The following COL21A1 variants were observed in gnomAD, a reference collection of about 807,000 sequenced individuals.
The protein encoded by COL21A1 is collagen type XXI alpha 1 chain, also known as collagen alpha-1(XXI) chain.
Under a neutral mutation model 137.9 loss-of-function variants are expected in COL21A1, and 149 were observed. The ratio of observed to expected loss-of-function variants is 1.08; its 90% CI spans 0.95 to 1.24. The LOEUF is 1.24. COL21A1 is among the 50% of genes most tolerant of loss of function. COL21A1 has a pLI of 0.00. For synonymous variants in COL21A1, 456 were observed against 391.5 expected (o/e 1.16, Z -1.95); for missense variants, 1,167 against 1,158.4 (o/e 1.01, Z -0.11).
chr6:56,225,948 A>G (rs1178742193), intron 1 of COL21A1: 1 of 152,040 alleles, frequency 6.6e-6, no homozygotes, highest in Non-Finnish European at 1.5e-5. Context: ...TTAATCACAG[A>G]GCATCCTGTC....
At chr6:56,147,028 C>A (rs1320159639) in intron 10 of COL21A1, among the ~76,000 whole-genome samples, 1 of 152,110 alleles carries the variant, frequency 6.6e-6, no homozygotes, top group Non-Finnish European at 1.5e-5. Context: ...CTTAAATTCA[C>A]AGAATTTAAT....
chr6:56,281,667 C>T (rs2397213), intron 1 of COL21A1, among the ~76,000 whole-genome samples: 36,625 of 152,130 alleles, frequency 0.24, 5,756 homozygotes, highest in East Asian at 0.67. Flanking sequence ...CTTTGTGCTG[C>T]TAATCTGAAG....
At chr6:56,347,336 G>A (rs1883600) in intron 1 of COL21A1, among the ~76,000 whole-genome samples, 24,739 of 151,526 alleles carry the variant, frequency 0.16, 2,158 homozygotes, top group Non-Finnish European at 0.18. Flanking sequence ...CCCCCTCACC[G>A]GGATTCAACT....
chr6:56,340,634 GT>G (rs1346969489), intron 1 of COL21A1, among the ~76,000 whole-genome samples: 5 of 152,090 alleles, frequency 3.3e-5, no homozygotes, highest in African/African-American at 1.2e-4. Flanking sequence ...GAGATTCTCT[GT>G]TGGCTGTGTT....
rs1006413279 is a variant in COL21A1 at position 56,329,361 on chromosome 6, G to C, written c.-39+64610C>G. ...AGCTTTGCCCCAGTTGCATGGCTGT[G>C]GGGGAGGAAAGAGATGGATGGAGAA... On this transcript the variant is annotated intron_variant, in intron 1 of 28. Transcript: ENST00000370819. Among the ~76,000 whole-genome samples the C allele has an allele frequency of 2.0e-5, 3 of 152,064 alleles. No individual in the cohort carries two copies. In the South Asian group the frequency reaches 6.2e-4, roughly 32 times the overall value.
At chr6:56,321,222 G>T (rs1055186423) in intron 1 of COL21A1, among the ~76,000 whole-genome samples, 14 of 152,212 alleles carry the variant, frequency 9.2e-5, no homozygotes, top group Admixed American at 2.0e-4. Context: ...TTTAGACCAT[G>T]TTTTCAAGAA....
In COL21A1 at chr6:56,124,190, A is replaced by G. The variant is rs1395256067; in HGVS notation, c.1704+49T>C. ...TCTTTAAAGACAGATACTATAAGAT[A>G]GATTTTATTTAAAGCAAAATACTAA... is the stretch of plus-strand genomic sequence containing the variant. On this transcript the variant is annotated intron_variant, in intron 15 of 29. Coordinates refer to ENST00000244728, the MANE Select transcript of COL21A1 (RefSeq NM_030820.4). 2.6e-6 allele frequency: 4 copies of G among 1,547,394 alleles called. No homozygotes were observed. The African/African-American group carries it at 4.1e-5, about 16-fold the overall frequency.
intron 1 of COL21A1, among the ~76,000 whole-genome samples, chr6:56,338,088 A>G (rs1420345239): frequency 6.7e-6 from 1 of 149,386 alleles, no homozygotes; most frequent in Non-Finnish European, 1.5e-5. Flanking sequence ...TCATCCTCCC[A>G]AGTAGCTGGG....
chr6:56,075,600 C>A, intron 18 of COL21A1, 68 bp from the exon 19 acceptor site: 1 of 1,141,284 alleles, frequency 8.8e-7, no homozygotes, highest in Non-Finnish European at 1.2e-6. Flanking sequence ...AAAGCTTCTG[C>A]CAAAGCACAA....
chr6:56,193,941 G>A (rs1476583218), intron 1 of COL21A1, among the ~76,000 whole-genome samples: 1 of 151,994 alleles, frequency 6.6e-6, no homozygotes, highest in African/African-American at 2.4e-5. Flanking sequence ...TTTTAGTAGA[G>A]ACTGGGTTTC....
intron 1 of COL21A1, among the ~76,000 whole-genome samples, chr6:56,195,573 T>C (rs1420273834): frequency 2.0e-5 from 3 of 152,110 alleles, no homozygotes; most frequent in Non-Finnish European, 2.9e-5. Flanking sequence ...TTATAAATGA[T>C]AGTTCAGAGA....
At chr6:56,251,632 T>A (rs1254815921), upstream of COL21A1, among the ~76,000 whole-genome samples, 1 of 152,216 alleles carries the variant, frequency 6.6e-6, no homozygotes, top group Non-Finnish European at 1.5e-5. Context: ...TTTGGCATAC[T>A]TTTTCTAAAA....
Position 56,170,856 on chromosome 6 carries a change from GA to G in COL21A1, c.818del (p.Phe273SerfsTer29). The G allele has an allele frequency of 2.5e-6, 4 of 1,608,866 alleles. No individual in the cohort carries two copies. The highest frequency in any genetic ancestry group is 3.4e-6 in the Non-Finnish European group (4 of 1,177,242). ...CATATGATGGAGGAAGACCTTCTGGGAAAACATTGCTAGAAAAAGAAGAGCA... is the reference window on the plus strand; with the variant it reads ...CATATGATGGAGGAAGACCTTCTGGGAAACATTGCTAGAAAAAGAAGAGCA... ...VDLSELTSNVFPEGLPPSYVF... is the reference protein window; with the variant it reads ...VDLSELTSNVXPEGLPPSYVF... On this transcript the variant is annotated frameshift_variant, in exon 5 of 30. Coordinates refer to ENST00000244728, the MANE Select transcript of COL21A1 (RefSeq NM_030820.4). LOFTEE classifies it high-confidence loss of function.
intron 1 of COL21A1, among the ~76,000 whole-genome samples, chr6:56,183,819 A>G (rs1232234138): frequency 1.3e-5 from 2 of 152,204 alleles, no homozygotes; most frequent in Non-Finnish European, 2.9e-5. Flanking sequence ...GAAAACACGT[A>G]CAAAGATGTG....
At chr6:56,306,059 G>GGCCC (rs1562048189) in intron 1 of COL21A1, among the ~76,000 whole-genome samples, 1 of 26,720 alleles carries the variant, frequency 3.7e-5, no homozygotes, top group African/African-American at 4.9e-5. Context: ...GTTGAATATT[G>GGCCC]GCACTCTCTT....
intron 1 of COL21A1, among the ~76,000 whole-genome samples, chr6:56,376,111 A>C (rs908786959): frequency 9.2e-5 from 14 of 152,234 alleles, no homozygotes; most frequent in Non-Finnish European, 2.1e-4. Context: ...GAAGTGGGAT[A>C]AAACAAGTAG....
intron 23 of COL21A1, among the ~76,000 whole-genome samples, chr6:56,066,977 A>ATATG (rs1291416917): frequency 7.5e-5 from 11 of 146,544 alleles, no homozygotes; most frequent in African/African-American, 1.3e-4. Context: ...ATATATATAT[A>ATATG]TGTGTGTGTG....
At position 56,069,230 on chromosome 6, in the gene COL21A1, GAC is replaced by G. The variant is rs148983390; in HGVS notation, c.2020-115_2020-114del. 2.6e-3 allele frequency: 1,519 copies of G among 574,328 alleles called. 20 individuals carry two copies. In the African/African-American group the frequency reaches 0.028, roughly 11 times the overall value. The allele number at this position is 574,328 out of a possible 1,614,324, so 35.6% of individuals were successfully genotyped here. On this transcript the variant is annotated intron_variant, in intron 21 of 29. Transcript: ENST00000244728. ...AAATGAATGGTTAAAAAAATGTATT[GAC>G]AGTTACTACTACAGAAATAGTAAAG... is the stretch of plus-strand genomic sequence containing the variant.
At chr6:56,217,842 A>T (rs1780584781) in intron 1 of COL21A1, among the ~76,000 whole-genome samples, 1 of 152,076 alleles carries the variant, frequency 6.6e-6, no homozygotes, top group Admixed American at 6.6e-5. Flanking sequence ...AAACCATTCC[A>T]ACTCCAGTTA....
Sources: allele counts gnomAD v4.1 joint callset (sites outside exome capture counted in the v4.1 genomes callset), GRCh38; gene constraint gnomAD v4.1.1; transcripts MANE v1.5; gene names NCBI Gene and HGNC (gene_info 2026-07-23, HGNC 2026-07-21).